Variants in MACROD2 observed in about 807,000 individuals in gnomAD.
MACROD2 encodes mono-ADP ribosylhydrolase 2.
A neutral mutation model predicts 70.4 loss-of-function variants in MACROD2; 36 were observed. The observed-to-expected ratio is 0.51, with a 90% CI of 0.39 to 0.68. The LOEUF is 0.68. Ranked by LOEUF, MACROD2 falls within the 30% of genes least tolerant of loss-of-function variation. MACROD2 has a pLI of 0.00. For missense variants in MACROD2, 496 were observed against 538.4 expected, an observed-to-expected ratio of 0.92 and a Z score of 0.78; for synonymous variants, 172 against 178.8, an observed-to-expected ratio of 0.96 and a Z score of 0.30.
At chr20:15,079,149 T>C (rs1289426206) in intron 5 of MACROD2, among the ~76,000 whole-genome samples, 1 of 152,220 alleles carries the variant, frequency 6.6e-6, no homozygotes, top group Non-Finnish European at 1.5e-5. Context: ...AATCAACTTC[T>C]TTGAAATGTA....
chr20:14,093,977 G>T (rs1333200391), intron 3 of MACROD2, among the ~76,000 whole-genome samples: 1 of 151,042 alleles, frequency 6.6e-6, no homozygotes, highest in African/African-American at 2.4e-5. Flanking sequence ...TGAGGGCTGA[G>T]GTTTTTTTTT....
intron 8 of MACROD2, among the ~76,000 whole-genome samples, chr20:15,832,693 A>G (rs1217581681): frequency 6.6e-6 from 1 of 152,230 alleles, no homozygotes; most frequent in Admixed American, 6.5e-5. Flanking sequence ...CCTGGCACAC[A>G]AAGCCGAACA....
intron 4 of MACROD2, among the ~76,000 whole-genome samples, chr20:14,574,778 G>A (rs572571879): frequency 4.5e-4 from 68 of 150,688 alleles, no homozygotes; most frequent in South Asian, 1.5e-3. Context: ...TTGGGAGGCC[G>A]GGGCGGGTGG....
At chr20:14,422,899 C>G (rs2083890994) in intron 3 of MACROD2, among the ~76,000 whole-genome samples, 1 of 152,160 alleles carries the variant, frequency 6.6e-6, no homozygotes, top group South Asian at 2.1e-4. Flanking sequence ...GTCAAGCATC[C>G]TTTCATTTGA....
intron 8 of MACROD2, among the ~76,000 whole-genome samples, chr20:15,574,559 T>C (rs1226964802): frequency 6.6e-6 from 1 of 152,194 alleles, no homozygotes; most frequent in Non-Finnish European, 1.5e-5. Context: ...AGGAATGTTT[T>C]AGAAGATTTT....
At chr20:14,052,042 C>G in intron 2 of MACROD2, 1 of 425,670 alleles carries the variant, frequency 2.3e-6, no homozygotes, top group Non-Finnish European at 4.7e-6. Context: ...ACATATTTTA[C>G]TTGATTGCTA....
At chr20:15,707,749 C>T (rs1276817870) in intron 8 of MACROD2, among the ~76,000 whole-genome samples, 2 of 151,926 alleles carry the variant, frequency 1.3e-5, no homozygotes, top group African/African-American at 4.8e-5. Context: ...TACGCCACTG[C>T]ACTCCAGCCT....
chr20:15,636,876 G>C (rs763606227), intron 8 of MACROD2, among the ~76,000 whole-genome samples: 2 of 152,052 alleles, frequency 1.3e-5, no homozygotes. Flanking sequence ...AGAGATGCAG[G>C]CTAAGAACTA....
chr20:14,571,486 A>G (rs1159093848), intron 4 of MACROD2, among the ~76,000 whole-genome samples: 2 of 152,138 alleles, frequency 1.3e-5, no homozygotes, highest in African/African-American at 4.8e-5. Context: ...GTAATTAAAA[A>G]GTAATCTATT....
intron 10 of MACROD2, among the ~76,000 whole-genome samples, chr20:15,899,479 A>T (rs1233825888): frequency 6.6e-6 from 1 of 152,214 alleles, no homozygotes. Flanking sequence ...TTTATGTGTA[A>T]TTGAATATGC....
At chr20:15,035,066 C>T (rs1297206128) in intron 5 of MACROD2, among the ~76,000 whole-genome samples, 1 of 152,142 alleles carries the variant, frequency 6.6e-6, no homozygotes, top group Non-Finnish European at 1.5e-5. Context: ...AGCCCATTTT[C>T]TCACTCTTTT....
chr20:14,152,955 C>T lies in MACROD2; in HGVS notation c.271+67227C>T, dbSNP rs8115005. Reference sequence around the variant, plus strand: ...GTGTTGACAACCTTTTAATGTTAACCAAACAACTAAATTTACTTTGATCAT... The same window carrying T: ...GTGTTGACAACCTTTTAATGTTAACTAAACAACTAAATTTACTTTGATCAT... On this transcript the variant is annotated intron_variant, in intron 3 of 17. Coordinates refer to ENST00000684519, the MANE Select transcript of MACROD2 (RefSeq NM_001351661.2). Among the ~76,000 whole-genome samples, 1,265 of 152,146 alleles carry T rather than the reference C, an allele frequency of 8.3e-3. 19 individuals are homozygous for T. Among genetic ancestry groups the T allele is most frequent in the African/African-American group, 0.028 (1,169 of 41,494 alleles).
intron 4 of MACROD2, among the ~76,000 whole-genome samples, chr20:14,675,711 C>A (rs1448577812): frequency 6.6e-6 from 1 of 152,056 alleles, no homozygotes; most frequent in Non-Finnish European, 1.5e-5. Context: ...ACAATATTAA[C>A]CTTAAATATA....
chr20:15,560,797 A>T (rs2048233543), intron 8 of MACROD2, among the ~76,000 whole-genome samples: 1 of 144,102 alleles, frequency 6.9e-6, no homozygotes, highest in Admixed American at 6.9e-5. Context: ...AAAAAGACTG[A>T]TCATAGTCTT....
chr20:14,201,431 T>C (rs2081478587), intron 3 of MACROD2, among the ~76,000 whole-genome samples: 1 of 152,238 alleles, frequency 6.6e-6, no homozygotes, highest in Non-Finnish European at 1.5e-5. Flanking sequence ...TTTTGTCTTT[T>C]GCTTTCATAA....
At chr20:15,373,572 T>C (rs2045522126) in intron 6 of MACROD2, among the ~76,000 whole-genome samples, 1 of 152,046 alleles carries the variant, frequency 6.6e-6, no homozygotes, top group South Asian at 2.1e-4. Context: ...TTAGTTAGTA[T>C]TTTTATTTTT....
intron 7 of MACROD2, among the ~76,000 whole-genome samples, chr20:15,461,177 A>G (rs1277586457): frequency 6.6e-6 from 1 of 150,750 alleles, no homozygotes; most frequent in African/African-American, 2.4e-5. Context: ...CTGGCTCTGT[A>G]TTGTATGTTT....
chr20:15,603,972 T>C (rs1193894836), intron 8 of MACROD2, among the ~76,000 whole-genome samples: 2 of 152,242 alleles, frequency 1.3e-5, no homozygotes, highest in Non-Finnish European at 2.9e-5. Context: ...CCTCTATTCC[T>C]TGTTATTTCC....
chr20:14,186,232 C>A (rs897628442), intron 3 of MACROD2, among the ~76,000 whole-genome samples: 3 of 152,038 alleles, frequency 2.0e-5, no homozygotes, highest in African/African-American at 7.2e-5. Flanking sequence ...TAGTTGTTAC[C>A]AGATTAACAC....
Sources: allele counts gnomAD v4.1 joint callset (sites outside exome capture counted in the v4.1 genomes callset), GRCh38; gene constraint gnomAD v4.1.1; transcripts MANE v1.5; gene names NCBI Gene and HGNC (gene_info 2026-07-23, HGNC 2026-07-21).